Variants in CTNNA3 observed in about 807,000 individuals in gnomAD.
CTNNA3 encodes the protein catenin alpha-3.
In CTNNA3, 76 loss-of-function variants were observed where a neutral mutation model predicts 95.7. The ratio of observed to expected loss-of-function variants is 0.79; its 90% CI spans 0.66 to 0.96. The LOEUF (loss-of-function observed/expected upper bound fraction) is 0.96, where lower values mean the gene tolerates loss of function less well. Among genes scored for constraint, CTNNA3 ranks in the 40% least tolerant of loss-of-function variants. CTNNA3 has a pLI of 0.00. For synonymous variants in CTNNA3, 431 were observed against 374.4 expected (o/e 1.15, Z -1.74); for missense variants, 1,191 against 1,089.8 (o/e 1.09, Z -1.31).
intron 7 of CTNNA3, among the ~76,000 whole-genome samples, chr10:67,173,131 G>T (rs1192277425): frequency 6.6e-6 from 1 of 152,102 alleles, no homozygotes; most frequent in Non-Finnish European, 1.5e-5. Flanking sequence ...TTGTTCAAGG[G>T]CTATAAAAAC....
intron 12 of CTNNA3, among the ~76,000 whole-genome samples, chr10:66,346,258 G>C (rs1589121448): frequency 1.6e-5 from 1 of 64,188 alleles, no homozygotes; most frequent in Non-Finnish European, 3.1e-5. Context: ...GAGAGAGAGA[G>C]AGAGAGAGAG....
In CTNNA3 at chr10:66,438,448, T is replaced by C. The variant is rs557484051; in HGVS notation, c.1532-59096A>G. 2.0e-4 allele frequency among the ~76,000 whole-genome samples: 31 copies of C among 152,278 alleles called. No individual in the cohort carries two copies. The East Asian group carries it at 6.0e-3, about 29-fold the overall frequency. On this transcript the variant is annotated intron_variant, in intron 11 of 17. Transcript: ENST00000433211. ...TCTGGCTACAGAGGCTTTGCTGCAC[T>C]TTGGTGGGCCCCACCCAGTTTGAAC... is the stretch of plus-strand genomic sequence containing the variant.
intron 1 of CTNNA3, among the ~76,000 whole-genome samples, chr10:67,703,100 C>A (rs1235618841): frequency 1.3e-5 from 2 of 152,198 alleles, no homozygotes; most frequent in Non-Finnish European, 2.9e-5. Flanking sequence ...TTTGAATAGA[C>A]CAATAACAGG....
At chr10:66,926,308 A>T (rs1847070476) in intron 7 of CTNNA3, 1 of 449,836 alleles carries the variant, frequency 2.2e-6, no homozygotes. Flanking sequence ...AACTGTAAAG[A>T]TGCAAAAACG....
At chr10:67,148,358 G>A (rs754213758) in intron 7 of CTNNA3, among the ~76,000 whole-genome samples, 2 of 152,152 alleles carry the variant, frequency 1.3e-5, no homozygotes, top group Admixed American at 6.5e-5. Context: ...CTCCATGTGT[G>A]CCCAAGCCAG....
chr10:67,234,606 A>T (rs930781364), intron 5 of CTNNA3, among the ~76,000 whole-genome samples: 17 of 151,878 alleles, frequency 1.1e-4, no homozygotes, highest in Admixed American at 7.9e-4. Flanking sequence ...CTGGCACAAG[A>T]CAGGGATGCC....
At chr10:66,533,902 C>A (rs1186503658) in intron 10 of CTNNA3, among the ~76,000 whole-genome samples, 12 of 152,062 alleles carry the variant, frequency 7.9e-5, no homozygotes, top group African/African-American at 2.7e-4. Context: ...AAGACCCCAT[C>A]CTTACAAAAG....
intron 13 of CTNNA3, among the ~76,000 whole-genome samples, chr10:66,136,065 C>T (rs1714108220): frequency 1.3e-5 from 2 of 152,152 alleles, no homozygotes; most frequent in South Asian, 2.1e-4. Flanking sequence ...CCACGCCTGG[C>T]TAATTTTTTG....
intron 9 of CTNNA3, among the ~76,000 whole-genome samples, chr10:66,730,150 C>G (rs1848913803): frequency 6.6e-6 from 1 of 150,596 alleles, no homozygotes; most frequent in Non-Finnish European, 1.5e-5. Flanking sequence ...TACATGTATT[C>G]ATATATTCAT....
At chr10:66,018,543 C>G (rs1374341151) in intron 15 of CTNNA3, among the ~76,000 whole-genome samples, 1 of 151,980 alleles carries the variant, frequency 6.6e-6, no homozygotes, top group Non-Finnish European at 1.5e-5. Flanking sequence ...ACTCACAATT[C>G]AGGTAGAGCA....
At chr10:66,315,923 T>C (rs1053019976) in intron 12 of CTNNA3, among the ~76,000 whole-genome samples, 2 of 152,244 alleles carry the variant, frequency 1.3e-5, no homozygotes, top group South Asian at 2.1e-4. Flanking sequence ...TCCCTTCATC[T>C]TAACATCATA....
At chr10:66,686,792 C>A (rs1043488768) in intron 9 of CTNNA3, among the ~76,000 whole-genome samples, 41 of 152,174 alleles carry the variant, frequency 2.7e-4, no homozygotes, top group African/African-American at 9.9e-4. Flanking sequence ...CAAATAAGGA[C>A]AATACCATTT....
chr10:67,392,626 C>A (rs1387108337), intron 5 of CTNNA3, among the ~76,000 whole-genome samples: 1 of 152,112 alleles, frequency 6.6e-6, no homozygotes, highest in South Asian at 2.1e-4. Flanking sequence ...TTGCGGCACT[C>A]TTCACAAGAG....
At chr10:67,122,022 T>A (rs1462017660) in intron 7 of CTNNA3, among the ~76,000 whole-genome samples, 2 of 139,604 alleles carry the variant, frequency 1.4e-5, no homozygotes, top group Non-Finnish European at 3.0e-5. Context: ...GAGGGCCAGA[T>A]TTGGCCAACT....
At chr10:67,522,070 A>C in intron 4 of CTNNA3, 109 bp from the exon 5 acceptor site, 11 of 1,048,408 alleles carry the variant, frequency 1.0e-5, no homozygotes, top group Non-Finnish European at 1.5e-5. Flanking sequence ...TCCCATTCAT[A>C]ATACAGTGAT....
intron 17 of CTNNA3, among the ~76,000 whole-genome samples, chr10:65,934,417 C>A (rs140284485): frequency 6.6e-6 from 1 of 151,934 alleles, no homozygotes; most frequent in Non-Finnish European, 1.5e-5. Context: ...CTCGGTGTAG[C>A]ACTGGCTTAT....
At chr10:66,010,147 GT>G (rs34774100) in intron 15 of CTNNA3, among the ~76,000 whole-genome samples, 79,571 of 151,926 alleles carry the variant, frequency 0.52, 20,893 homozygotes, top group Admixed American at 0.57. Flanking sequence ...CGAAAACATT[GT>G]TCATTCTAAA....
chr10:67,452,892 A>G (rs1847043585), intron 5 of CTNNA3, among the ~76,000 whole-genome samples: 1 of 152,232 alleles, frequency 6.6e-6, no homozygotes, highest in Admixed American at 6.5e-5. Flanking sequence ...AAAATATAAT[A>G]GCAAATTAAA....
At chr10:67,573,941 A>G (rs1842057477) in intron 3 of CTNNA3, among the ~76,000 whole-genome samples, 1 of 152,244 alleles carries the variant, frequency 6.6e-6, no homozygotes, top group African/African-American at 2.4e-5. Context: ...TCAAGATGTT[A>G]TAGTACCTTT....
Sources: allele counts gnomAD v4.1 joint callset (sites outside exome capture counted in the v4.1 genomes callset), GRCh38; gene constraint gnomAD v4.1.1; transcripts MANE v1.5; gene names NCBI Gene and HGNC (gene_info 2026-07-23, HGNC 2026-07-21).